Variants in CCSER1 observed in about 807,000 individuals in gnomAD.
CCSER1 encodes serine-rich coiled-coil domain-containing protein 1.
Under a neutral mutation model 82.0 loss-of-function variants are expected in CCSER1, and 41 were observed. That is an observed-to-expected ratio of 0.50 (90% CI 0.39 to 0.65). The LOEUF is 0.65. Ranked by LOEUF, CCSER1 falls within the 30% of genes least tolerant of loss-of-function variation. The pLI, the probability that CCSER1 is intolerant of heterozygous loss-of-function variation, is 0.00. For missense variants in CCSER1, 1,119 were observed against 1,064.2 expected, an observed-to-expected ratio of 1.05 and a Z score of -0.72; for synonymous variants, 414 against 383.9, an observed-to-expected ratio of 1.08 and a Z score of -0.92.
intron 10 of CCSER1, among the ~76,000 whole-genome samples, chr4:91,336,640 A>G (rs1747345185): frequency 6.6e-6 from 1 of 152,086 alleles, no homozygotes; most frequent in Non-Finnish European, 1.5e-5. Context: ...CATATATACA[A>G]AAATAAAACA....
intron 10 of CCSER1, among the ~76,000 whole-genome samples, chr4:91,235,586 C>T (rs886189592): frequency 3.9e-5 from 6 of 152,094 alleles, no homozygotes; most frequent in Admixed American, 6.5e-5. Context: ...CAAAAATCAA[C>T]GTATCTTTTT....
At chr4:91,254,660 G>C (rs187354171) in intron 10 of CCSER1, among the ~76,000 whole-genome samples, 3 of 152,152 alleles carry the variant, frequency 2.0e-5, no homozygotes, top group Non-Finnish European at 4.4e-5. Flanking sequence ...TAATAGCACT[G>C]AACTGCATAC....
intron 1 of CCSER1, among the ~76,000 whole-genome samples, chr4:90,274,972 A>C (rs1727264540): frequency 6.6e-6 from 1 of 152,172 alleles, no homozygotes; most frequent in Admixed American, 6.5e-5. Flanking sequence ...TAAGCAGTGT[A>C]AAAGCACTAA....
intron 6 of CCSER1, among the ~76,000 whole-genome samples, chr4:90,641,208 T>C (rs1471758916): frequency 6.6e-6 from 1 of 152,120 alleles, no homozygotes; most frequent in Admixed American, 6.6e-5. Context: ...AGTACAAAAA[T>C]CAAGTCACAG....
intron 7 of CCSER1, among the ~76,000 whole-genome samples, chr4:90,733,926 G>C (rs552164431): frequency 2.0e-5 from 3 of 152,014 alleles, no homozygotes; most frequent in South Asian, 4.2e-4. Context: ...GTGTACTATA[G>C]CTCTGTAATA....
chr4:91,069,581 G>A (rs967425995), intron 9 of CCSER1, among the ~76,000 whole-genome samples: 22 of 152,130 alleles, frequency 1.4e-4, no homozygotes, highest in African/African-American at 5.1e-4. Flanking sequence ...TGGACTTTAC[G>A]TTCTGGTGAG....
At chr4:90,286,169 C>T (rs1055071526) in intron 1 of CCSER1, among the ~76,000 whole-genome samples, 3 of 151,776 alleles carry the variant, frequency 2.0e-5, no homozygotes, top group African/African-American at 7.3e-5. Flanking sequence ...TTGGAAATAG[C>T]CTCTCCTCCT....
Position 91,379,538 on chromosome 4 carries a change from A to G in CCSER1, c.2218-219034A>G, listed in dbSNP as rs559339329. Among the ~76,000 whole-genome samples the G allele has an allele frequency of 4.6e-5, 7 of 152,198 alleles. No homozygotes were observed. The South Asian group carries it at 1.2e-3, about 27-fold the overall frequency. On this transcript the variant is annotated intron_variant, in intron 10 of 10. Transcript: ENST00000509176. ...CTTCTAGATTTTCTAGTTTATTTGC[A>G]TAGAGGTGTTTCTAGTACTCTCTGA... is the stretch of plus-strand genomic sequence containing the variant.
intron 10 of CCSER1, among the ~76,000 whole-genome samples, chr4:91,381,273 C>T (rs927927375): frequency 2.6e-5 from 4 of 152,050 alleles, no homozygotes; most frequent in Non-Finnish European, 4.4e-5. Flanking sequence ...CTCTGGGTTT[C>T]CTGAATCTGA....
At chr4:91,134,286 A>G (rs1180158815) in intron 10 of CCSER1, among the ~76,000 whole-genome samples, 3 of 151,936 alleles carry the variant, frequency 2.0e-5, no homozygotes. Context: ...AGTCCTAGCT[A>G]CTTGGGAGGC....
chr4:90,743,688 A>G (rs1291174401), intron 7 of CCSER1, among the ~76,000 whole-genome samples: 1 of 152,196 alleles, frequency 6.6e-6, no homozygotes, highest in African/African-American at 2.4e-5. Flanking sequence ...AAAATTGTCA[A>G]AGCATAATTA....
At chr4:91,465,867 T>A (rs1560693754) in intron 10 of CCSER1, among the ~76,000 whole-genome samples, 1 of 152,094 alleles carries the variant, frequency 6.6e-6, no homozygotes. Context: ...ATTAAGAGCC[T>A]ACCAACCAAA....
At chr4:90,298,267 T>A (rs1361105358) in intron 1 of CCSER1, among the ~76,000 whole-genome samples, 1 of 152,208 alleles carries the variant, frequency 6.6e-6, no homozygotes, top group African/African-American at 2.4e-5. Context: ...CTAGATTTTC[T>A]AGTTTATTTA....
At chr4:90,757,933 C>CTTTTTTTTTTTTTTTTT in intron 7 of CCSER1, among the ~76,000 whole-genome samples, 1 of 136,490 alleles carries the variant, frequency 7.3e-6, no homozygotes, top group Non-Finnish European at 1.6e-5. Context: ...GTTTCCTTTT[C>CTTTTTTTTTTTTTTTTT]TTTTTTTTTT....
chr4:91,361,137 T>C (rs1258147835), intron 10 of CCSER1, among the ~76,000 whole-genome samples: 1 of 151,812 alleles, frequency 6.6e-6, no homozygotes, highest in African/African-American at 2.4e-5. Flanking sequence ...GAAATAAATA[T>C]TTCACATATA....
At chr4:90,426,449 A>G (rs1757541524) in intron 4 of CCSER1, among the ~76,000 whole-genome samples, 1 of 152,128 alleles carries the variant, frequency 6.6e-6, no homozygotes. Flanking sequence ...TACTTGAACT[A>G]TAGTTTAATA....
At chr4:90,386,490 A>T (rs1008419472) in intron 3 of CCSER1, among the ~76,000 whole-genome samples, 3 of 152,158 alleles carry the variant, frequency 2.0e-5, no homozygotes, top group Non-Finnish European at 4.4e-5. Context: ...CTATACAGAA[A>T]TTAACTCAAG....
chr4:91,084,788 G>C (rs1561535443), intron 9 of CCSER1, among the ~76,000 whole-genome samples: 2 of 152,206 alleles, frequency 1.3e-5, no homozygotes, highest in Middle Eastern at 3.4e-3. Context: ...GGTCAAGAGA[G>C]TAGTAAAGCT....
chr4:91,315,993 T>A (rs1439217640), intron 10 of CCSER1, among the ~76,000 whole-genome samples: 1 of 151,740 alleles, frequency 6.6e-6, no homozygotes, highest in East Asian at 1.9e-4. Flanking sequence ...TAAGGGTGGG[T>A]TTTTTCCCAT....
Sources: allele counts gnomAD v4.1 joint callset (sites outside exome capture counted in the v4.1 genomes callset), GRCh38; gene constraint gnomAD v4.1.1; transcripts MANE v1.5; gene names NCBI Gene and HGNC (gene_info 2026-07-23, HGNC 2026-07-21).